ZMAT4: variants seen among roughly 807,000 people sequenced by gnomAD.
The protein encoded by ZMAT4 is zinc finger matrin-type protein 4.
Under a neutral mutation model 28.7 loss-of-function variants are expected in ZMAT4, and 17 were observed. The ratio of observed to expected loss-of-function variants is 0.59; its 90% CI spans 0.41 to 0.89. The LOEUF (loss-of-function observed/expected upper bound fraction) is 0.89. ZMAT4 is among the 40% of genes least tolerant of loss of function. The pLI is 0.00. For missense variants in ZMAT4, 240 were observed against 283.8 expected, an observed-to-expected ratio of 0.85 and a Z score of 1.11; for synonymous variants, 117 against 109.2, an observed-to-expected ratio of 1.07 and a Z score of -0.44.
chr8:40,643,056 T>C (rs907271171), intron 5 of ZMAT4, among the ~76,000 whole-genome samples: 1 of 152,210 alleles, frequency 6.6e-6, no homozygotes, highest in Admixed American at 6.5e-5. Flanking sequence ...GAGGCCATGT[T>C]CTATTCTGAG....
chr8:40,729,633 T>C (rs1265280846), intron 3 of ZMAT4, among the ~76,000 whole-genome samples: 1 of 151,100 alleles, frequency 6.6e-6, no homozygotes, highest in Non-Finnish European at 1.5e-5. Context: ...TCTCGCTCTG[T>C]CACCAGGCTG....
chr8:40,719,651 C>A (rs561632007), intron 3 of ZMAT4, among the ~76,000 whole-genome samples: 1 of 152,106 alleles, frequency 6.6e-6, no homozygotes, highest in Admixed American at 6.5e-5. Context: ...CTCACTGCAA[C>A]CTCCGCCTCC....
At chr8:40,672,801 T>C (rs1808734826) in intron 5 of ZMAT4, among the ~76,000 whole-genome samples, 1 of 152,190 alleles carries the variant, frequency 6.6e-6, no homozygotes, top group Non-Finnish European at 1.5e-5. Context: ...GGCCTTCAGC[T>C]ATGGAGAGAT....
chr8:40,760,286 T>C (rs1246437094), intron 3 of ZMAT4, among the ~76,000 whole-genome samples: 2 of 152,150 alleles, frequency 1.3e-5, no homozygotes, highest in Non-Finnish European at 2.9e-5. Context: ...TAGACTTCCA[T>C]ATATGATCAG....
At chr8:40,658,968 ATATT>A (rs1160631634) in intron 5 of ZMAT4, among the ~76,000 whole-genome samples, 1 of 152,148 alleles carries the variant, frequency 6.6e-6, no homozygotes, top group Non-Finnish European at 1.5e-5. Context: ...GAGTTTACAA[ATATT>A]ATCAGTAGAA....
intron 2 of ZMAT4, among the ~76,000 whole-genome samples, chr8:40,821,284 T>TGC (rs2150607200): frequency 6.6e-6 from 1 of 152,102 alleles, no homozygotes; most frequent in African/African-American, 2.4e-5. Context: ...ACTGTTTTTT[T>TGC]ACCCCCGTAA....
intron 1 of ZMAT4, among the ~76,000 whole-genome samples, chr8:40,882,819 C>A (rs1818327874): frequency 6.6e-6 from 1 of 152,156 alleles, no homozygotes; most frequent in South Asian, 2.1e-4. Context: ...TGGATTAGAT[C>A]AACTTCGGTT....
chr8:40,702,081 G>A lies in ZMAT4; in HGVS notation c.193-4680C>T, dbSNP rs377033533. On this transcript the variant is annotated intron_variant, in intron 3 of 6. Coordinates refer to ENST00000297737, the MANE Select transcript of ZMAT4 (RefSeq NM_024645.3). ...CAACCCTCACTTGCTTTCGGTCACC[G>A]TGTGATGCCCTCCACCATGTTATGA... Among the ~76,000 whole-genome samples the A allele has an allele frequency of 7.2e-5, 11 of 152,202 alleles. No individual in the cohort carries two copies. The East Asian group carries it at 1.2e-3, about 16-fold the overall frequency.
At chr8:40,812,245 T>A (rs1234056971) in intron 2 of ZMAT4, among the ~76,000 whole-genome samples, 2 of 151,450 alleles carry the variant, frequency 1.3e-5, no homozygotes, top group Admixed American at 1.3e-4. Context: ...TGGAGAAACC[T>A]GACAGTCACT....
rs537544817 is a variant in ZMAT4 at position 40,794,579 on chromosome 8, G to A, written c.103-26849C>T. ...TAGGGATGGGGGAAAGACAACTACA[G>A]AAGAAATGAAGCCCAACAGCAGAGC... On this transcript the variant is annotated intron_variant, in intron 2 of 6. Transcript: ENST00000297737. 6.6e-5 allele frequency among the ~76,000 whole-genome samples: 10 copies of A among 152,318 alleles called. No homozygotes were observed. The South Asian group carries it at 2.1e-3, about 32-fold the overall frequency.
chr8:40,536,431 TC>T (rs1802849537), intron 6 of ZMAT4, among the ~76,000 whole-genome samples: 1 of 152,216 alleles, frequency 6.6e-6, no homozygotes, highest in African/African-American at 2.4e-5. Context: ...CTCACTGGGT[TC>T]CCAGCACCTT....
At chr8:40,739,949 T>A (rs1811930987) in intron 3 of ZMAT4, among the ~76,000 whole-genome samples, 2 of 152,240 alleles carry the variant, frequency 1.3e-5, no homozygotes, top group Non-Finnish European at 1.5e-5. Flanking sequence ...TCCAGCTTCA[T>A]CCATGTCCCT....
intron 3 of ZMAT4, among the ~76,000 whole-genome samples, chr8:40,700,187 G>A (rs1180541315): frequency 6.6e-6 from 1 of 151,874 alleles, no homozygotes; most frequent in East Asian, 1.9e-4. Context: ...ATAAGGGGAA[G>A]TATTATAATC....
At chr8:40,746,173 G>A (rs1239859804) in intron 3 of ZMAT4, among the ~76,000 whole-genome samples, 1 of 151,382 alleles carries the variant, frequency 6.6e-6, no homozygotes, top group African/African-American at 2.4e-5. Flanking sequence ...TGCCACTCCT[G>A]GTTAACATCT....
chr8:40,721,075 CCACT>C (rs1450955067), intron 3 of ZMAT4, among the ~76,000 whole-genome samples: 2 of 146,778 alleles, frequency 1.4e-5, no homozygotes, highest in Non-Finnish European at 3.0e-5. Flanking sequence ...TGCACTGCAC[CCACT>C]AACTCGTCAT....
At chr8:40,756,152 C>T (rs1812668685) in intron 3 of ZMAT4, among the ~76,000 whole-genome samples, 2 of 152,026 alleles carry the variant, frequency 1.3e-5, no homozygotes, top group Admixed American at 1.3e-4. Context: ...CATCTGGATG[C>T]TTAAAGTTAT....
intron 3 of ZMAT4, among the ~76,000 whole-genome samples, chr8:40,760,140 G>C (rs970363975): frequency 6.6e-6 from 1 of 152,018 alleles, no homozygotes; most frequent in Non-Finnish European, 1.5e-5. Flanking sequence ...CCCTATAATC[G>C]ACTGACTACA....
At chr8:40,891,061 C>T (rs141648570) in intron 1 of ZMAT4, among the ~76,000 whole-genome samples, 3 of 150,660 alleles carry the variant, frequency 2.0e-5, no homozygotes, top group East Asian at 2.0e-4. Flanking sequence ...GGGCTGGATG[C>T]GGCAGTGTGT....
intron 5 of ZMAT4, among the ~76,000 whole-genome samples, chr8:40,622,278 A>G (rs895291882): frequency 5.9e-5 from 9 of 152,222 alleles, no homozygotes; most frequent in Admixed American, 5.9e-4. Flanking sequence ...AGAGAACAGT[A>G]GAGAGCTTGA....
Sources: gnomAD v4.1 joint callset for allele counts (sites outside exome capture counted in the v4.1 genomes callset) on GRCh38, gnomAD v4.1.1 for gene constraint, MANE v1.5 for transcripts, NCBI Gene and HGNC (gene_info 2026-07-23, HGNC 2026-07-21) for gene names.